TNFRSF19: variants seen among roughly 807,000 people sequenced by gnomAD.
The protein encoded by TNFRSF19 is TNF receptor superfamily member 19, also known as tumor necrosis factor receptor superfamily member 19.
TNFRSF19 carries 27 observed loss-of-function variants against 46.4 expected under a neutral mutation model. The observed-to-expected ratio is 0.58, with a 90% CI of 0.43 to 0.80. The LOEUF is 0.80. Ranked by LOEUF, TNFRSF19 falls within the 30% of genes least tolerant of loss-of-function variation. The probability of loss-of-function intolerance (pLI) is 0.00; values close to 1 mark genes in which losing one functional copy is unlikely to be tolerated. For missense variants in TNFRSF19, 511 were observed against 530.8 expected (o/e 0.96, Z 0.37); for synonymous variants, 204 against 205.0 (o/e 1.00, Z 0.04).
In TNFRSF19 at chr13:23,615,908, G is replaced by T. The variant is rs763104036; in HGVS notation, c.222G>T (p.Thr74=). 8 of 1,613,516 alleles carry T rather than the reference G, an allele frequency of 5.0e-6. No homozygotes were observed. Among genetic ancestry groups the T allele is most frequent in the African/African-American group, 2.7e-5 (2 of 75,004 alleles). Residue 74 remains threonine (T), a synonymous_variant, in exon 4 of 10, where the codon ACG becomes ACT. Transcript: ENST00000248484. The part of the protein sequence containing the change: ...FGYGEDAQCV[T]CRLHRFKEDW... ...ATGGGGAGGATGCACAGTGTGTGAC[G>T]TGCCGGCTGCACAGGTTCAAGGAGG...
At position 23,668,074 on chromosome 13, in the gene TNFRSF19, T is replaced by G. The variant is rs1951680264; in HGVS notation, c.831T>G (p.Leu277=). ...LGCGVHSAAS[L]QARNAGPAGE... ...GTGGGGTGCATTCTGCAGCCAGTCT[T>G]CAGGCAAGGTAACTAGGTGCTTTCA... is the stretch of plus-strand genomic sequence containing the variant. The change falls in exon 8 of 10, where the codon CTT becomes CTG. Residue 277 remains leucine, a synonymous_variant. Transcript: ENST00000248484. 6.2e-7 allele frequency: 1 copy of G among 1,604,578 alleles called. No individual in the cohort carries two copies. The highest frequency in any genetic ancestry group is 1.3e-5 in the African/African-American group (1 of 74,936).
chr13:23,674,927 T>C lies in TNFRSF19; in HGVS notation c.*1547T>C, dbSNP rs1283492313. The C allele has an allele frequency of 6.6e-6, 1 of 152,210 alleles. No homozygotes were observed. Among genetic ancestry groups the C allele is most frequent in the Non-Finnish European group, 1.5e-5 (1 of 68,036 alleles). 9.4% of individuals were successfully genotyped at this position (152,210 alleles called of 1,614,324 possible). ...GTTTCTCCATAGTTTTAGGTTTTGA[T>C]ATGTGTTTACTAGCTTGCCTGTGTC... On this transcript the variant is annotated 3_prime_UTR_variant, in exon 10 of 10. Coordinates refer to ENST00000248484, the MANE Select transcript of TNFRSF19 (RefSeq NM_148957.4).
At chr13:23,594,569 G>A (rs1879561721) in intron 3 of TNFRSF19, among the ~76,000 whole-genome samples, 2 of 152,326 alleles carry the variant, frequency 1.3e-5, no homozygotes, top group South Asian at 2.1e-4. Flanking sequence ...TCCTCTCTGG[G>A]GAGGGCATCC....
chr13:23,577,908 G>A (rs1291405198), intron 1 of TNFRSF19, among the ~76,000 whole-genome samples: 2 of 152,150 alleles, frequency 1.3e-5, no homozygotes, highest in Non-Finnish European at 2.9e-5. Flanking sequence ...GGGAAGCGGG[G>A]TTGATGACCG....
At chr13:23,613,293 AC>A (rs1392577901) in intron 3 of TNFRSF19, among the ~76,000 whole-genome samples, 2 of 152,198 alleles carry the variant, frequency 1.3e-5, no homozygotes, top group Non-Finnish European at 2.9e-5. Context: ...TCCTCACACA[AC>A]CTTTAGGGCA....
At chr13:23,640,325 T>G (rs985622340) in intron 5 of TNFRSF19, among the ~76,000 whole-genome samples, 2 of 152,150 alleles carry the variant, frequency 1.3e-5, no homozygotes, top group Admixed American at 6.5e-5. Flanking sequence ...GGTCAGAAAA[T>G]GTAGCTAGCT....
chr13:23,585,451 C>T (rs1188935081), intron 1 of TNFRSF19: 1 of 152,138 alleles, frequency 6.6e-6, no homozygotes, highest in Non-Finnish European at 1.5e-5. Context: ...ATTCTTCCTC[C>T]TTAGTGATTC....
rs1025978752 is a variant in TNFRSF19, at chr13:23,570,606, A to T, written c.-277A>T. 1 of 152,256 alleles carries T rather than the reference A, an allele frequency of 6.6e-6. No homozygotes were observed. Among genetic ancestry groups the T allele is most frequent in the South Asian group, 2.1e-4 (1 of 4,836 alleles). The allele number at this position is 152,256 out of a possible 1,614,324, so 9.4% of individuals were successfully genotyped here. A position where few individuals can be genotyped will look rare whatever the true frequency, so the allele number is the denominator to read the frequency against. ...GGTGGGAGGGTAACTACCTGCTGAA[A>T]GTGAACTTTCTTTGATATCCATGCA... On this transcript the variant is annotated 5_prime_UTR_variant, in exon 1 of 10. It adds an upstream start codon to the 5' untranslated region. Transcript: ENST00000248484.
chr13:23,663,738 G>A (rs1263697437), intron 7 of TNFRSF19, among the ~76,000 whole-genome samples: 1 of 152,098 alleles, frequency 6.6e-6, no homozygotes, highest in Admixed American at 6.5e-5. Context: ...TCAGTCTTGG[G>A]AGGGTGTATG....
At chr13:23,584,652 T>C (rs1029970566) in intron 1 of TNFRSF19, among the ~76,000 whole-genome samples, 5 of 148,248 alleles carry the variant, frequency 3.4e-5, no homozygotes, top group Non-Finnish European at 7.4e-5. Context: ...AAAAGCAGCC[T>C]AATAGAGGCC....
chr13:23,629,837 AC>A (rs757062140), intron 5 of TNFRSF19, among the ~76,000 whole-genome samples: 2 of 152,116 alleles, frequency 1.3e-5, no homozygotes, highest in Non-Finnish European at 2.9e-5. Flanking sequence ...CCTCGGCCAT[AC>A]CCTGACCCAG....
chr13:23,668,996 C>T lies in TNFRSF19; in HGVS notation c.1144C>T (p.Leu382=). The change falls in exon 9 of 10, where the codon CTG becomes TTG. Residue 382 remains leucine, a synonymous_variant. Coordinates refer to ENST00000248484, the MANE Select transcript of TNFRSF19 (RefSeq NM_148957.4). The part of the protein sequence containing the change: ...ATDLSRYNNT[L]VESASTQDAL... ...TGATTTATCTAGATATAACAACACA[C>T]TGGTAGAATCAGCATCAACTCAGGA... 6.2e-7 allele frequency: 1 copy of T among 1,614,240 alleles called. No individual in the cohort carries two copies. Among genetic ancestry groups the T allele is most frequent in the Non-Finnish European group, 8.5e-7 (1 of 1,180,048 alleles).
At chr13:23,603,312 C>T (rs1384736894) in intron 3 of TNFRSF19, among the ~76,000 whole-genome samples, 2 of 152,044 alleles carry the variant, frequency 1.3e-5, no homozygotes, top group Non-Finnish European at 2.9e-5. Flanking sequence ...CCTATATTGA[C>T]TGAAGAAATT....
chr13:23,622,500 G>T (rs920596092), intron 4 of TNFRSF19, among the ~76,000 whole-genome samples: 1 of 152,030 alleles, frequency 6.6e-6, no homozygotes, highest in Non-Finnish European at 1.5e-5. Context: ...TTGTCTCATG[G>T]TCCTCAAACT....
Position 23,668,829 on chromosome 13 carries a change from A to C in TNFRSF19, c.977A>C (p.Tyr326Ser). Residue 326 changes from tyrosine (Y) to serine (S), a missense_variant, in exon 9 of 10, where the codon TAT becomes TCT. This residue lies in a region of TNFRSF19 where 376 missense variants were observed against 372.7 expected (regional missense o/e 1.01). Transcript: ENST00000248484. Reference protein sequence around the residue: ...GGDNISFCDSYPELTGEDIHS... With the variant: ...GGDNISFCDSSPELTGEDIHS... ...GACAACATCTCTTTTTGTGACTCTT[A>C]TCCTGAACTCACTGGAGAAGACATT... The C allele has an allele frequency of 6.2e-7, 1 of 1,614,250 alleles. No homozygotes were observed. The highest frequency in any genetic ancestry group is 8.5e-7 in the Non-Finnish European group (1 of 1,180,044).
chr13:23,571,866 C>T (rs1294975479), intron 1 of TNFRSF19, among the ~76,000 whole-genome samples: 2 of 150,702 alleles, frequency 1.3e-5, no homozygotes, highest in African/African-American at 2.4e-5. Flanking sequence ...TTACTTTGTT[C>T]GCGATGTTTT....
At chr13:23,617,248 A>C (rs968253897) in intron 4 of TNFRSF19, among the ~76,000 whole-genome samples, 5 of 152,162 alleles carry the variant, frequency 3.3e-5, no homozygotes, top group Admixed American at 6.5e-5. Flanking sequence ...CAGTACACCA[A>C]GTTACAGAGA....
At chr13:23,628,797 G>T (rs1311722760) in intron 5 of TNFRSF19, among the ~76,000 whole-genome samples, 2 of 152,080 alleles carry the variant, frequency 1.3e-5, no homozygotes, top group Admixed American at 6.5e-5. Context: ...ATATGTGTGT[G>T]TATATGTTTC....
At chr13:23,639,380 A>G (rs1272915921) in intron 5 of TNFRSF19, among the ~76,000 whole-genome samples, 2 of 152,182 alleles carry the variant, frequency 1.3e-5, no homozygotes, top group African/African-American at 2.4e-5. Context: ...GCAACAGAGC[A>G]AGGCTCCATC....
Sources: allele counts gnomAD v4.1 joint callset (sites outside exome capture counted in the v4.1 genomes callset), GRCh38; gene constraint gnomAD v4.1.1; regional missense constraint gnomAD v4.1.1; transcripts MANE v1.5; gene names NCBI Gene and HGNC (gene_info 2026-07-23, HGNC 2026-07-21).